RFX2: variants seen among roughly 807,000 people sequenced by gnomAD.
The protein encoded by RFX2 is DNA-binding protein RFX2.
RFX2 carries 20 observed loss-of-function variants against 87.8 expected under a neutral mutation model. The ratio of observed to expected loss-of-function variants is 0.23; its 90% CI spans 0.16 to 0.33. RFX2 has a LOEUF of 0.33. RFX2 is among the 10% of genes least tolerant of loss of function. RFX2 has a pLI of 1.00. For missense variants in RFX2, 767 were observed against 1,012.3 expected, an observed-to-expected ratio of 0.76 and a Z score of 3.29; for synonymous variants, 397 against 431.3, an observed-to-expected ratio of 0.92 and a Z score of 0.98.
rs891586408 is a variant in RFX2 at position 5,998,525 on chromosome 19, G to A, written c.1860-1312C>T. Among the ~76,000 whole-genome samples, 17 of 152,176 alleles carry A rather than the reference G, an allele frequency of 1.1e-4. No homozygotes were observed. The highest frequency in any genetic ancestry group is 3.9e-4 in the African/African-American group (16 of 41,436). ...AGGCTTGAGAAAGGCAAAGACAGCC[G>A]CACTATGAAGACCACCAAAGCTGTC... On this transcript the variant is annotated intron_variant, in intron 15 of 17. Coordinates refer to ENST00000303657, the MANE Select transcript of RFX2 (RefSeq NM_000635.4). This position sits in a 1 kb window ranked among gnomAD's most constrained non-coding sequence, Gnocchi z 4.2.
Position 6,045,123 on chromosome 19 carries a change from A to G in RFX2, c.91-841T>C, listed in dbSNP as rs2087169382. On this transcript the variant is annotated intron_variant, in intron 2 of 17. Coordinates refer to ENST00000303657, the MANE Select transcript of RFX2 (RefSeq NM_000635.4). The surrounding 1 kb of genome is among the most constrained non-coding windows in gnomAD (Gnocchi z 5.2). ...TGTCACAGGTAGCAGTGACTGCCAT[A>G]TATACATCACGAGGGGTGATGGGTG... is the stretch of plus-strand genomic sequence containing the variant. 6.6e-6 allele frequency among the ~76,000 whole-genome samples: 1 copy of G among 152,190 alleles called. No homozygotes were observed. Among genetic ancestry groups the G allele is most frequent in the Admixed American group, 6.5e-5 (1 of 15,288 alleles).
At chr19:6,073,792 G>A (rs1335233237) in intron 1 of RFX2, among the ~76,000 whole-genome samples, 2 of 152,184 alleles carry the variant, frequency 1.3e-5, no homozygotes, top group Non-Finnish European at 2.9e-5. Context: ...GAGGTTGAAT[G>A]CGGACGGCTA....
chr19:6,066,508 G>A (rs1555778975), intron 1 of RFX2, among the ~76,000 whole-genome samples: 1 of 152,166 alleles, frequency 6.6e-6, no homozygotes. Flanking sequence ...CCAGGAATTA[G>A]ATCAAAAAAG....
intron 1 of RFX2, among the ~76,000 whole-genome samples, chr19:6,098,740 C>T (rs1293624817): frequency 6.6e-6 from 1 of 151,844 alleles, no homozygotes; most frequent in Non-Finnish European, 1.5e-5. Flanking sequence ...AGCAGATCCA[C>T]GTGTTGGGAA....
intron 1 of RFX2, among the ~76,000 whole-genome samples, chr19:6,088,312 C>T (rs777689634): frequency 3.3e-5 from 5 of 151,320 alleles, no homozygotes; most frequent in Non-Finnish European, 4.4e-5. Context: ...CTCCGCCTCC[C>T]GCGATTCTCC....
intron 2 of RFX2, among the ~76,000 whole-genome samples, chr19:6,046,700 A>C (rs1293153324): frequency 1.3e-5 from 2 of 148,300 alleles, no homozygotes; most frequent in South Asian, 4.2e-4. Context: ...GGCTCAAGCA[A>C]TCCTTCCACC....
At chr19:6,048,818 T>C (rs1319905699) in intron 1 of RFX2, among the ~76,000 whole-genome samples, 1 of 152,252 alleles carries the variant, frequency 6.6e-6, no homozygotes, top group Non-Finnish European at 1.5e-5. Context: ...TCGAGTGTGC[T>C]GGATTAATCC....
At chr19:6,025,973 C>T (rs557918246) in intron 6 of RFX2, among the ~76,000 whole-genome samples, 190 bp downstream of exon 6, 136 of 151,866 alleles carry the variant, frequency 9.0e-4, no homozygotes, top group African/African-American at 2.7e-3. Context: ...TTAATAGAGA[C>T]GGGGTTTCAC....
At chr19:6,094,847 G>C (rs2087998198) in intron 1 of RFX2, among the ~76,000 whole-genome samples, 1 of 152,122 alleles carries the variant, frequency 6.6e-6, no homozygotes, top group Admixed American at 6.5e-5. Flanking sequence ...GCAGCTACTA[G>C]GCCAGGTGCA....
intron 9 of RFX2, among the ~76,000 whole-genome samples, chr19:6,008,718 C>T (rs2086623056): frequency 7.0e-6 from 1 of 142,612 alleles, no homozygotes; most frequent in African/African-American, 2.6e-5. Context: ...CGCTCTGTCA[C>T]CCAGGCTGGA....
chr19:6,066,191 T>G (rs2087508576), intron 1 of RFX2, among the ~76,000 whole-genome samples: 1 of 152,064 alleles, frequency 6.6e-6, no homozygotes, highest in South Asian at 2.1e-4. Flanking sequence ...GGCACTTTGT[T>G]AGTGGGAACG....
rs1173413274 is a variant in RFX2, at chr19:6,021,507, G to A, written c.597+4656C>T. ...GAGGACTGCAACGGTATAGTAAGTT[G>A]AGGTGGGGTGGGGGTGTCAGGCAGG... On this transcript the variant is annotated intron_variant, in intron 6 of 17. Transcript: ENST00000303657. The surrounding 1 kb of genome is among the most constrained non-coding windows in gnomAD (Gnocchi z 5.7). Among the ~76,000 whole-genome samples the A allele has an allele frequency of 2.0e-5, 3 of 152,214 alleles. No homozygotes were observed. Among genetic ancestry groups the A allele is most frequent in the Non-Finnish European group, 2.9e-5 (2 of 68,046 alleles).
intron 5 of RFX2, among the ~76,000 whole-genome samples, chr19:6,030,408 A>G (rs2086940329): frequency 6.6e-6 from 1 of 152,234 alleles, no homozygotes; most frequent in Admixed American, 6.5e-5. Context: ...ATGGATAAAC[A>G]AAATGTGGTC....
chr19:6,104,603 C>T (rs867934591), intron 1 of RFX2, among the ~76,000 whole-genome samples: 8 of 151,472 alleles, frequency 5.3e-5, no homozygotes, highest in African/African-American at 1.7e-4. Flanking sequence ...GGCAGGGTGT[C>T]GCTATGTTGC....
intron 1 of RFX2, among the ~76,000 whole-genome samples, chr19:6,108,427 T>G (rs1416351276): frequency 6.6e-6 from 1 of 152,200 alleles, no homozygotes; most frequent in African/African-American, 2.4e-5. Context: ...CAGGGCACGA[T>G]GTAAAAAGAT....
Position 6,012,746 on chromosome 19 carries a change from G to C in RFX2, c.899+240C>G, listed in dbSNP as rs2086676577. ...AGAATGGCTCTAAAAAATGAAGTCT[G>C]TTAAAAACAGTTTTAAACGGTTTTA... On this transcript the variant is annotated intron_variant, in intron 8 of 17. Coordinates refer to ENST00000303657, the MANE Select transcript of RFX2 (RefSeq NM_000635.4). This position sits in a 1 kb window ranked among gnomAD's most constrained non-coding sequence, Gnocchi z 4.6. Among the ~76,000 whole-genome samples, 1 of 152,114 alleles carries C rather than the reference G, an allele frequency of 6.6e-6. No individual in the cohort carries two copies. The highest frequency in any genetic ancestry group is 6.5e-5 in the Admixed American group (1 of 15,282).
Position 6,007,566 on chromosome 19 carries a change from G to A in RFX2, c.1247+124C>T, listed in dbSNP as rs1018997560. 5 of 636,258 alleles carry A rather than the reference G, an allele frequency of 7.9e-6. No homozygotes were observed. Among genetic ancestry groups the A allele is most frequent in the Middle Eastern group, 4.1e-4 (1 of 2,418 alleles). The allele number at this position is 636,258 out of a possible 1,614,324, so 39.4% of individuals were successfully genotyped here. ...ACCAAGTCTAAAAATTACAGGGATG[G>A]AGGCAGAGGGGTCTGAACCCTGATT... On this transcript the variant is annotated intron_variant, in intron 11 of 17. Transcript: ENST00000303657. The surrounding 1 kb of genome is among the most constrained non-coding windows in gnomAD (Gnocchi z 8.2).
intron 13 of RFX2, among the ~76,000 whole-genome samples, chr19:6,003,434 C>G (rs2086521925): frequency 6.6e-6 from 1 of 152,036 alleles, no homozygotes; most frequent in African/African-American, 2.4e-5. Context: ...TTCCGAAGAG[C>G]AGGCGGGTGC....
chr19:5,995,027 A>T lies in RFX2; in HGVS notation c.2057-77T>A, dbSNP rs2086386635. On this transcript the variant is annotated intron_variant, in intron 17 of 17. Transcript: ENST00000303657. ...GAGAGAAGGAAGTGCACGTTCCGAG[A>T]ACTGCTCCGGCACGCCAGGCAGGGC... The T allele has an allele frequency of 3.6e-5, 42 of 1,173,340 alleles. No individual in the cohort carries two copies. The South Asian group carries it at 4.6e-4, about 13-fold the overall frequency. The allele number at this position is 1,173,340 out of a possible 1,614,324, so 72.7% of individuals were successfully genotyped here.
Sources: gnomAD v4.1 joint callset for allele counts (sites outside exome capture counted in the v4.1 genomes callset) on GRCh38, gnomAD v4.1.1 for gene constraint, Gnocchi (gnomAD v3.1) non-coding constraint, MANE v1.5 for transcripts, NCBI Gene and HGNC (gene_info 2026-07-23, HGNC 2026-07-21) for gene names.